KCNQ1: variants seen among roughly 807,000 people sequenced by gnomAD.
KCNQ1 encodes potassium voltage-gated channel subfamily KQT member 1.
In KCNQ1, 49 loss-of-function variants were observed where a neutral mutation model predicts 72.4. The observed-to-expected ratio is 0.68, with a 90% CI of 0.54 to 0.86. KCNQ1 has a LOEUF of 0.86. KCNQ1 is among the 40% of genes least tolerant of loss of function. KCNQ1 has a pLI of 0.00. For synonymous variants in KCNQ1, 450 were observed against 412.6 expected (o/e 1.09, Z -1.10); for missense variants, 790 against 945.1 (o/e 0.84, Z 2.15).
At chr11:2,587,992 G>T (rs1186786570) in intron 9 of KCNQ1, among the ~76,000 whole-genome samples, 1 of 152,086 alleles carries the variant, frequency 6.6e-6, no homozygotes, top group Non-Finnish European at 1.5e-5. Flanking sequence ...GGGCCTCAGG[G>T]TTGGGCTTTC....
At chr11:2,648,264 A>G in intron 10 of KCNQ1, 1 of 398,102 alleles carries the variant, frequency 2.5e-6, no homozygotes, top group Non-Finnish European at 4.4e-6. Context: ...TTTTATCTCT[A>G]TTTCATTTAG....
At chr11:2,576,233 G>A (rs778542631) in intron 6 of KCNQ1, among the ~76,000 whole-genome samples, 4 of 152,210 alleles carry the variant, frequency 2.6e-5, no homozygotes, top group African/African-American at 4.8e-5. Flanking sequence ...CCGGCCACCA[G>A]TTTCCACAGC....
At chr11:2,548,822 C>T (rs184847312) in intron 2 of KCNQ1, among the ~76,000 whole-genome samples, 1 of 152,360 alleles carries the variant, frequency 6.6e-6, no homozygotes, top group Non-Finnish European at 1.5e-5. Flanking sequence ...CACAGACACA[C>T]AGCCTGACTT....
At chr11:2,557,649 C>T (rs941759879) in intron 2 of KCNQ1, among the ~76,000 whole-genome samples, 2 of 152,194 alleles carry the variant, frequency 1.3e-5, no homozygotes, top group African/African-American at 4.8e-5. Context: ...ATCTACATGG[C>T]TGGTAAGGCT....
intron 11 of KCNQ1, among the ~76,000 whole-genome samples, chr11:2,760,515 C>A (rs187332888): frequency 6.6e-6 from 1 of 152,328 alleles, no homozygotes; most frequent in East Asian, 1.9e-4. Flanking sequence ...CTGGGCAGCA[C>A]GTCCCTTCCT....
chr11:2,640,419 G>A, intron 10 of KCNQ1: 1 of 398,582 alleles, frequency 2.5e-6, no homozygotes, highest in Non-Finnish European at 4.4e-6. Context: ...TCAAGTAGCT[G>A]GGACTACAGG....
At chr11:2,839,522 C>G (rs1476192554) in intron 15 of KCNQ1, among the ~76,000 whole-genome samples, 3 of 150,200 alleles carry the variant, frequency 2.0e-5, no homozygotes, top group Non-Finnish European at 2.9e-5. Context: ...TGTCAGCAGA[C>G]ACGGCACACA....
At chr11:2,727,870 G>C (rs1845793441) in intron 11 of KCNQ1, among the ~76,000 whole-genome samples, 1 of 152,174 alleles carries the variant, frequency 6.6e-6, no homozygotes, top group East Asian at 1.9e-4. Flanking sequence ...TCGTTCCTCT[G>C]TGGGCACTGT....
At chr11:2,641,128 C>G in intron 10 of KCNQ1, 1 of 398,408 alleles carries the variant, frequency 2.5e-6, no homozygotes, top group Non-Finnish European at 4.4e-6. Context: ...GCAATAAACA[C>G]GGGGATGCAG....
chr11:2,537,467 C>T lies in KCNQ1; in HGVS notation c.477+9449C>T, dbSNP rs897845797. On this transcript the variant is annotated intron_variant, in intron 2 of 15. Coordinates refer to ENST00000155840, the MANE Select transcript of KCNQ1 (RefSeq NM_000218.3). The surrounding 1 kb of genome is among the most constrained non-coding windows in gnomAD (Gnocchi z 5.2). ...AATAGAAGTGGGAGAGCGTGTGCCC[C>T]GGGCCAGCCCACCGTGCCCCACGTT... Among the ~76,000 whole-genome samples the T allele has an allele frequency of 1.3e-5, 2 of 152,210 alleles. No individual in the cohort carries two copies. The highest frequency in any genetic ancestry group is 2.1e-4 in the South Asian group (1 of 4,828).
At chr11:2,469,605 CCT>C (rs1174160345) in intron 1 of KCNQ1, among the ~76,000 whole-genome samples, 2 of 151,734 alleles carry the variant, frequency 1.3e-5, no homozygotes, top group African/African-American at 4.8e-5. Context: ...TGGACCAAGT[CCT>C]CTATCAGATA....
At chr11:2,788,244 C>G (rs1445584029) in intron 15 of KCNQ1, among the ~76,000 whole-genome samples, 1 of 152,042 alleles carries the variant, frequency 6.6e-6, no homozygotes, top group Non-Finnish European at 1.5e-5. Flanking sequence ...TGCCTCGAGT[C>G]CCCAGAGCTC....
rs112486033 is a variant in KCNQ1, at chr11:2,473,543, G to A, written c.386+28059G>A. Among the ~76,000 whole-genome samples the A allele has an allele frequency of 2.8e-4, 42 of 152,340 alleles. No individual in the cohort carries two copies. Among genetic ancestry groups the A allele is most frequent in the African/African-American group, 8.7e-4 (36 of 41,584 alleles). ...CTGGTCCGTCGTTGAGTCCCCTGCC[G>A]TGGGACAGCGCTCAGCATGGCACAG... On this transcript the variant is annotated intron_variant, in intron 1 of 15. Coordinates refer to ENST00000155840, the MANE Select transcript of KCNQ1 (RefSeq NM_000218.3). This position sits in a 1 kb window ranked among gnomAD's most constrained non-coding sequence, Gnocchi z 6.0.
intron 10 of KCNQ1, chr11:2,633,032 A>C (rs1217518301): frequency 7.5e-6 from 3 of 398,482 alleles, no homozygotes; most frequent in Non-Finnish European, 1.3e-5. Flanking sequence ...ATAGTCCCAC[A>C]AATAGTGTAT....
chr11:2,608,515 G>T lies in KCNQ1; in HGVS notation c.1393+19661G>T. The T allele has an allele frequency of 2.5e-6, 1 of 398,360 alleles. No homozygotes were observed. The highest frequency in any genetic ancestry group is 4.4e-6 in the Non-Finnish European group (1 of 226,040). The allele number at this position is 398,360 out of a possible 1,614,324, so 24.7% of individuals were successfully genotyped here. ...TTGAGAAACAGAGTCTCTCTCTGTT[G>T]CCCAGGCTGGAATAGAGTGGTGTAA... On this transcript the variant is annotated intron_variant, in intron 10 of 15. Coordinates refer to ENST00000155840, the MANE Select transcript of KCNQ1 (RefSeq NM_000218.3). The surrounding 1 kb of genome is among the most constrained non-coding windows in gnomAD (Gnocchi z 4.6).
rs1210061946 is a variant in KCNQ1 at position 2,593,636 on chromosome 11, G to T, written c.1393+4782G>T. On this transcript the variant is annotated intron_variant, in intron 10 of 15. Transcript: ENST00000155840. This position sits in a 1 kb window ranked among gnomAD's most constrained non-coding sequence, Gnocchi z 6.9. ...TACCCAGAGGTCCCCAGTGTGGTCT[G>T]GGGACTCATCGTTCACACTCGTGTG... Among the ~76,000 whole-genome samples the T allele has an allele frequency of 6.6e-6, 1 of 152,174 alleles. No individual in the cohort carries two copies. The highest frequency in any genetic ancestry group is 2.4e-5 in the African/African-American group (1 of 41,448).
intron 1 of KCNQ1, among the ~76,000 whole-genome samples, chr11:2,490,261 A>G (rs981447544): frequency 2.6e-5 from 4 of 152,256 alleles, no homozygotes; most frequent in African/African-American, 9.6e-5. Flanking sequence ...CCTCTGTAGT[A>G]TACCACACCA....
At position 2,447,973 on chromosome 11, in the gene KCNQ1, C is replaced by T. The variant is rs536131128; in HGVS notation, c.386+2489C>T. ...TTCCTTCTGGCCTCCCTGGGCTGGC[C>T]GGGGTGGACACGGCACCTGGGCCAC... is the stretch of plus-strand genomic sequence containing the variant. On this transcript the variant is annotated intron_variant, in intron 1 of 15. Transcript: ENST00000155840. The surrounding 1 kb of genome is among the most constrained non-coding windows in gnomAD (Gnocchi z 7.6). Among the ~76,000 whole-genome samples the T allele has an allele frequency of 4.6e-5, 7 of 152,274 alleles. No homozygotes were observed. Among genetic ancestry groups the T allele is most frequent in the South Asian group, 2.1e-4 (1 of 4,828 alleles).
At position 2,507,408 on chromosome 11, in the gene KCNQ1, C is replaced by A. The variant is rs1396782211; in HGVS notation, c.387-20520C>A. Among the ~76,000 whole-genome samples the A allele has an allele frequency of 3.3e-5, 5 of 151,676 alleles. No homozygotes were observed. Among genetic ancestry groups the A allele is most frequent in the African/African-American group, 1.2e-4 (5 of 41,246 alleles). On this transcript the variant is annotated intron_variant, in intron 1 of 15. Coordinates refer to ENST00000155840, the MANE Select transcript of KCNQ1 (RefSeq NM_000218.3). The surrounding 1 kb of genome is among the most constrained non-coding windows in gnomAD (Gnocchi z 5.4). Reference sequence around the variant, plus strand: ...CTGAGGTGGCTGTGGGATGGGACGGCGTGGTTTGCTCTAGAGGGTTTGAAG... The same window carrying A: ...CTGAGGTGGCTGTGGGATGGGACGGAGTGGTTTGCTCTAGAGGGTTTGAAG...
Sources: gnomAD v4.1 joint callset for allele counts (sites outside exome capture counted in the v4.1 genomes callset) on GRCh38, gnomAD v4.1.1 for gene constraint, Gnocchi (gnomAD v3.1) non-coding constraint, MANE v1.5 for transcripts, NCBI Gene and HGNC (gene_info 2026-07-23, HGNC 2026-07-21) for gene names.